NAV3: variants seen among roughly 807,000 people sequenced by gnomAD.
NAV3 encodes the protein neuron navigator 3.
A neutral mutation model predicts 244.7 loss-of-function variants in NAV3; 87 were observed. The observed-to-expected ratio is 0.36, with a 90% CI of 0.30 to 0.42. NAV3 has a LOEUF of 0.42. Ranked by LOEUF, NAV3 falls within the 20% of genes least tolerant of loss-of-function variation. The pLI is 1.00. For synonymous variants in NAV3, 1,126 were observed against 1,042.2 expected (o/e 1.08, Z -1.55); for missense variants, 2,663 against 2,893.3 (o/e 0.92, Z 1.83).
chr12:78,200,407 GTC>G, intron 37 of NAV3, 64 bp from the exon 38 acceptor site: 1 of 920,166 alleles, frequency 1.1e-6, no homozygotes, highest in South Asian at 2.3e-5. Context: ...CCAAAATGGT[GTC>G]TAGATATGTG....
intron 2 of NAV3, among the ~76,000 whole-genome samples, chr12:77,688,092 A>G (rs551140931): frequency 2.6e-5 from 4 of 152,092 alleles, no homozygotes; most frequent in Non-Finnish European, 5.9e-5. Flanking sequence ...TACAAGCTCA[A>G]TTTTAACACA....
chr12:78,168,441 A>G (rs1423123259), intron 23 of NAV3, among the ~76,000 whole-genome samples: 1 of 151,846 alleles, frequency 6.6e-6, no homozygotes, highest in Non-Finnish European at 1.5e-5. Context: ...GTGTTATCTG[A>G]AATGAGTGGT....
At chr12:78,079,046 G>C (rs1373633881) in intron 12 of NAV3, among the ~76,000 whole-genome samples, 2 of 152,118 alleles carry the variant, frequency 1.3e-5, no homozygotes, top group Non-Finnish European at 2.9e-5. Context: ...CTATGTCCTA[G>C]CAGCACTCAG....
intron 2 of NAV3, among the ~76,000 whole-genome samples, chr12:77,776,840 G>A (rs549097858): frequency 2.0e-5 from 3 of 152,138 alleles, no homozygotes; most frequent in African/African-American, 7.2e-5. Context: ...AATTAGCCCG[G>A]TCTGGTGGAG....
intron 38 of NAV3, among the ~76,000 whole-genome samples, chr12:78,201,550 A>G (rs867760271): frequency 3.3e-5 from 5 of 152,070 alleles, no homozygotes; most frequent in African/African-American, 4.8e-5. Context: ...TTTTTTCCTA[A>G]CTAAAAGATG....
chr12:77,662,966 T>G (rs76895614), intron 2 of NAV3, among the ~76,000 whole-genome samples: 147 of 152,336 alleles, frequency 9.6e-4, no homozygotes, highest in African/African-American at 3.4e-3. Context: ...ACTGTCAGGC[T>G]TTGATTTCAT....
At chr12:77,628,502 T>C (rs1436851276) in intron 2 of NAV3, among the ~76,000 whole-genome samples, 1 of 152,134 alleles carries the variant, frequency 6.6e-6, no homozygotes, top group Non-Finnish European at 1.5e-5. Flanking sequence ...ATCAGTAAAA[T>C]ATGTGAATTT....
intron 12 of NAV3, among the ~76,000 whole-genome samples, chr12:78,079,603 A>G (rs1953243933): frequency 6.7e-6 from 1 of 149,950 alleles, no homozygotes; most frequent in South Asian, 2.2e-4. Context: ...TCTTCTCTTC[A>G]TAGAAAAAAT....
At chr12:77,587,580 G>A (rs547149643) in intron 2 of NAV3, among the ~76,000 whole-genome samples, 1 of 152,274 alleles carries the variant, frequency 6.6e-6, no homozygotes, top group East Asian at 1.9e-4. Flanking sequence ...ATTCCAAGCA[G>A]TGTTCTTCAA....
At chr12:78,091,807 A>AAG (rs1245413121) in intron 12 of NAV3, 1 of 150,062 alleles carries the variant, frequency 6.7e-6, no homozygotes, top group East Asian at 1.9e-4. Context: ...AAAAAAAAAA[A>AAG]AAAAAATTCA....
intron 2 of NAV3, among the ~76,000 whole-genome samples, chr12:77,788,806 T>C (rs564533620): frequency 3.5e-4 from 53 of 152,268 alleles, no homozygotes; most frequent in African/African-American, 1.3e-3. Context: ...TAAGTACTTG[T>C]ACTAGGTTAA....
intron 2 of NAV3, among the ~76,000 whole-genome samples, chr12:77,812,028 A>G (rs2136003055): frequency 6.6e-6 from 1 of 152,324 alleles, no homozygotes; most frequent in Non-Finnish European, 1.5e-5. Flanking sequence ...GAATAAATAT[A>G]AGCATAGATA....
chr12:78,126,253 G>A (rs887231757), intron 16 of NAV3, among the ~76,000 whole-genome samples: 10 of 152,084 alleles, frequency 6.6e-5, no homozygotes, highest in African/African-American at 4.8e-5. Flanking sequence ...TCAAATTTTA[G>A]GTCAGCCTTT....
At chr12:77,584,845 T>TC in intron 2 of NAV3, among the ~76,000 whole-genome samples, 1 of 152,126 alleles carries the variant, frequency 6.6e-6, no homozygotes, top group Middle Eastern at 3.4e-3. Flanking sequence ...GTATTTGATT[T>TC]CCCCCCTCAA....
At position 78,178,490 on chromosome 12, in the gene NAV3, T is replaced by A. The variant is rs191210843; in HGVS notation, c.5363+805T>A. ...ATACTGTAATATTTTTGGACCATGTTTGACTGTAGGTAACTTAAACCACAG... is the reference window on the plus strand; with the variant it reads ...ATACTGTAATATTTTTGGACCATGTATGACTGTAGGTAACTTAAACCACAG... On this transcript the variant is annotated intron_variant, in intron 28 of 39. Transcript: ENST00000397909. Among the ~76,000 whole-genome samples the A allele has an allele frequency of 4.6e-3, 705 of 152,190 alleles. 5 individuals carry two copies. The highest frequency in any genetic ancestry group is 0.017 in the Middle Eastern group (5 of 294).
chr12:78,059,139 G>T (rs2137411776), intron 12 of NAV3, 24 bp downstream of exon 12: 1 of 1,596,864 alleles, frequency 6.3e-7, no homozygotes, highest in South Asian at 1.1e-5. Flanking sequence ...CATATATGAT[G>T]GTGAGACATG....
At position 78,034,744 on chromosome 12, in the gene NAV3, A is replaced by G. The variant is rs191131100; in HGVS notation, c.2023+12882A>G. Reference sequence around the variant, plus strand: ...CTATGGTCTCAGGACTTGGAAATTCACTGTGTCACAATAACTCAAAATGAA... The same window carrying G: ...CTATGGTCTCAGGACTTGGAAATTCGCTGTGTCACAATAACTCAAAATGAA... On this transcript the variant is annotated intron_variant, in intron 9 of 39. Coordinates refer to ENST00000397909, the MANE Select transcript of NAV3 (RefSeq NM_001024383.2). 7.4e-4 allele frequency among the ~76,000 whole-genome samples: 112 copies of G among 152,310 alleles called. 1 individual carries two copies. Among genetic ancestry groups the G allele is most frequent in the Non-Finnish European group, 1.3e-3 (90 of 68,022 alleles).
At chr12:78,203,047 G>A (rs1056801350) in intron 38 of NAV3, among the ~76,000 whole-genome samples, 3 of 152,072 alleles carry the variant, frequency 2.0e-5, no homozygotes, top group Non-Finnish European at 4.4e-5. Flanking sequence ...TCTGCCAGAT[G>A]TTTTAGTTGG....
At chr12:77,991,977 G>T (rs1333320940) in intron 5 of NAV3, among the ~76,000 whole-genome samples, 1 of 151,926 alleles carries the variant, frequency 6.6e-6, no homozygotes, top group African/African-American at 2.4e-5. Context: ...GTTGCAGTGA[G>T]CCGAGATTAC....
Sources: allele counts gnomAD v4.1 joint callset (sites outside exome capture counted in the v4.1 genomes callset), GRCh38; gene constraint gnomAD v4.1.1; transcripts MANE v1.5; gene names NCBI Gene and HGNC (gene_info 2026-07-23, HGNC 2026-07-21).